The following ZNF438 variants were observed in gnomAD, a reference collection of about 807,000 sequenced individuals.
ZNF438 encodes the protein zinc finger protein 438.
In ZNF438, 25 loss-of-function variants were observed where a neutral mutation model predicts 38.0. The ratio of observed to expected loss-of-function variants is 0.66; its 90% CI spans 0.48 to 0.92. ZNF438 has a LOEUF of 0.92. Ranked by LOEUF, ZNF438 falls within the 40% of genes least tolerant of loss-of-function variation. The pLI, the probability that ZNF438 is intolerant of heterozygous loss-of-function variation, is 0.00. For missense variants in ZNF438, 1,007 were observed against 999.6 expected (o/e 1.01, Z -0.10); for synonymous variants, 372 against 364.1 (o/e 1.02, Z -0.25).
At chr10:30,891,222 C>T (rs1306318063) in intron 3 of ZNF438, among the ~76,000 whole-genome samples, 1 of 152,066 alleles carries the variant, frequency 6.6e-6, no homozygotes, top group East Asian at 2.0e-4. Flanking sequence ...CTTTGCTCTG[C>T]TCTCTTTTTT....
intron 4 of ZNF438, among the ~76,000 whole-genome samples, chr10:30,866,152 C>T (rs777547799): frequency 1.3e-5 from 2 of 152,092 alleles, no homozygotes; most frequent in Non-Finnish European, 2.9e-5. Flanking sequence ...TGAGTACATG[C>T]CTTTTTAATA....
At chr10:30,963,300 G>A (rs1415192148) in intron 1 of ZNF438, among the ~76,000 whole-genome samples, 1 of 147,632 alleles carries the variant, frequency 6.8e-6, no homozygotes, top group Non-Finnish European at 1.5e-5. Context: ...GCTGAGGCAG[G>A]AGAATTGCTT....
chr10:30,987,094 C>T (rs2052897030), intron 1 of ZNF438, among the ~76,000 whole-genome samples: 1 of 151,994 alleles, frequency 6.6e-6, no homozygotes, highest in Non-Finnish European at 1.5e-5. Context: ...ACAACTGAAT[C>T]CACAAAAGAT....
chr10:30,898,822 G>C (rs140045027), intron 3 of ZNF438, among the ~76,000 whole-genome samples: 1 of 152,058 alleles, frequency 6.6e-6, no homozygotes, highest in African/African-American at 2.4e-5. Context: ...CCATCATCCA[G>C]TATAGCAATT....
At chr10:30,970,147 T>TAC (rs1415284890) in intron 1 of ZNF438, among the ~76,000 whole-genome samples, 4 of 147,128 alleles carry the variant, frequency 2.7e-5, no homozygotes, top group East Asian at 2.0e-4. Context: ...CACACACATA[T>TAC]ACACACACAC....
At chr10:30,874,509 A>AAATATT (rs36219583) in intron 4 of ZNF438, among the ~76,000 whole-genome samples, 5 of 151,908 alleles carry the variant, frequency 3.3e-5, no homozygotes, top group African/African-American at 9.7e-5. Context: ...TTTTGTTAAA[A>AAATATT]AATATTAATA....
chr10:30,861,652 A>C (rs1363426622), intron 4 of ZNF438, among the ~76,000 whole-genome samples: 1 of 146,676 alleles, frequency 6.8e-6, no homozygotes, highest in Admixed American at 6.9e-5. Context: ...ATTTCAATGA[A>C]TTTCTTCTTC....
In ZNF438 at chr10:31,025,325, A is replaced by G. The variant is rs552748384; in HGVS notation, c.-192+6508T>C. Among the ~76,000 whole-genome samples the G allele has an allele frequency of 1.3e-3, 204 of 152,340 alleles. 1 individual carries two copies. The highest frequency in any genetic ancestry group is 4.7e-3 in the African/African-American group (197 of 41,564). On this transcript the variant is annotated intron_variant, in intron 1 of 5. Transcript: ENST00000413025. ...ATTGTGGGACATTCAGTGACATGCTATAATGGCCTCAATCCACTAGATGCT... is the reference window on the plus strand; with the variant it reads ...ATTGTGGGACATTCAGTGACATGCTGTAATGGCCTCAATCCACTAGATGCT...
chr10:30,911,997 A>T (rs1021786275), intron 2 of ZNF438, among the ~76,000 whole-genome samples: 1 of 152,078 alleles, frequency 6.6e-6, no homozygotes, highest in Non-Finnish European at 1.5e-5. Context: ...TCTCTTGTTT[A>T]TATATTCAAC....
intron 2 of ZNF438, among the ~76,000 whole-genome samples, chr10:30,927,939 G>A (rs191957257): frequency 6.6e-6 from 1 of 152,176 alleles, no homozygotes; most frequent in East Asian, 1.9e-4. Context: ...AGTTTTTACA[G>A]CAAAAGCAAT....
At chr10:30,909,371 C>T (rs562121092) in intron 2 of ZNF438, among the ~76,000 whole-genome samples, 2 of 152,236 alleles carry the variant, frequency 1.3e-5, no homozygotes, top group African/African-American at 2.4e-5. Context: ...GAATCATGGC[C>T]ATTTTTACTT....
At chr10:30,847,156 C>T (rs1330784943) in intron 5 of ZNF438, among the ~76,000 whole-genome samples, 1 of 152,204 alleles carries the variant, frequency 6.6e-6, no homozygotes, top group Admixed American at 6.5e-5. Flanking sequence ...TGAAGCCCCA[C>T]CTTCAAGCCA....
intron 2 of ZNF438, among the ~76,000 whole-genome samples, chr10:30,912,020 C>T (rs1327239217): frequency 2.6e-5 from 4 of 152,254 alleles, no homozygotes; most frequent in Non-Finnish European, 5.9e-5. Flanking sequence ...CTTCTTCTTA[C>T]GCAGATCTTT....
chr10:30,893,723 G>C (rs1202437494), intron 3 of ZNF438, among the ~76,000 whole-genome samples: 4 of 152,116 alleles, frequency 2.6e-5, no homozygotes, highest in African/African-American at 4.8e-5. Context: ...TCCATACTAA[G>C]TGGTTTATTT....
At chr10:31,029,752 T>C (rs1470294903) in intron 1 of ZNF438, among the ~76,000 whole-genome samples, 2 of 152,238 alleles carry the variant, frequency 1.3e-5, no homozygotes, top group Non-Finnish European at 2.9e-5. Flanking sequence ...ACATCTTTAC[T>C]TCACCACAGC....
At chr10:30,994,373 A>C (rs1480326182) in intron 1 of ZNF438, among the ~76,000 whole-genome samples, 1 of 152,242 alleles carries the variant, frequency 6.6e-6, no homozygotes, top group Non-Finnish European at 1.5e-5. Context: ...TGACTGGGTC[A>C]TGAGGGTTCT....
rs146989914 is a variant in ZNF438 at position 30,961,241 on chromosome 10, T to TA, written c.-191-19591dup. Reference sequence around the variant, plus strand: ...ACCCTAAAACTTAGAGTATAATAAATAAAAAAAAAAAATTAAAAAAAAAAA... The same window carrying TA: ...ACCCTAAAACTTAGAGTATAATAAATAAAAAAAAAAAAATTAAAAAAAAAAA... On this transcript the variant is annotated intron_variant, in intron 1 of 5. Coordinates refer to ENST00000413025, the Ensembl canonical transcript of ZNF438. Among the ~76,000 whole-genome samples, 35 of 134,398 alleles carry TA rather than the reference T, an allele frequency of 2.6e-4. 1 individual carries two copies. The highest frequency in any genetic ancestry group is 1.4e-3 in the East Asian group (7 of 4,892). 88.2% of individuals were successfully genotyped at this position (134,398 alleles called of 152,430 possible). A position where few individuals can be genotyped will look rare whatever the true frequency, so the allele number is the denominator to read the frequency against.
At chr10:30,981,738 G>T (rs916834176) in intron 1 of ZNF438, among the ~76,000 whole-genome samples, 2 of 151,958 alleles carry the variant, frequency 1.3e-5, no homozygotes, top group African/African-American at 4.8e-5. Context: ...AATTAGCTGG[G>T]CTGGTGGCGT....
intron 3 of ZNF438, among the ~76,000 whole-genome samples, chr10:30,898,537 CAT>C (rs1192008055): frequency 9.9e-5 from 15 of 151,852 alleles, no homozygotes; most frequent in Admixed American, 7.2e-4. Context: ...TATACACACA[CAT>C]ATATAACTAT....
Sources: allele counts gnomAD v4.1 joint callset (sites outside exome capture counted in the v4.1 genomes callset), GRCh38; gene constraint gnomAD v4.1.1; transcripts MANE v1.5; gene names NCBI Gene and HGNC (gene_info 2026-07-23, HGNC 2026-07-21).